Variants in LRP2BP observed in about 807,000 individuals in gnomAD.
LRP2BP encodes the protein LRP2-binding protein.
In LRP2BP, 38 loss-of-function variants were observed where a neutral mutation model predicts 45.2. The observed-to-expected ratio is 0.84, with a 90% CI of 0.65 to 1.10. LRP2BP has a LOEUF of 1.10. Ranked by LOEUF, LRP2BP falls within the 50% of genes least tolerant of loss-of-function variation. The pLI, the probability that LRP2BP is intolerant of heterozygous loss-of-function variation, is 0.00. For missense variants in LRP2BP, 385 were observed against 418.9 expected, an observed-to-expected ratio of 0.92 and a Z score of 0.71; for synonymous variants, 153 against 153.9, an observed-to-expected ratio of 0.99 and a Z score of 0.04.
chr4:185,368,068 C>T (rs1487848731), intron 8 of LRP2BP, among the ~76,000 whole-genome samples: 1 of 152,138 alleles, frequency 6.6e-6, no homozygotes, highest in Non-Finnish European at 1.5e-5. Flanking sequence ...GTGCCAGCTA[C>T]TCGGGAGGCT....
chr4:185,369,741 A>G (rs778079049), intron 8 of LRP2BP: 21 of 441,476 alleles, frequency 4.8e-5, no homozygotes, highest in South Asian at 3.2e-4. Context: ...TGACATTGGA[A>G]TCCCACAGGG....
In LRP2BP at chr4:185,366,936, C is replaced by G. The variant is rs1027070537; in HGVS notation, c.*244G>C. On this transcript the variant is annotated 3_prime_UTR_variant, in exon 9 of 9. Coordinates refer to ENST00000505916, the MANE Select transcript of LRP2BP (RefSeq NM_001377440.1). The stretch of plus-strand genomic sequence containing the variant: ...GAATGGTTTTAATACTTGATATGGT[C>G]TCGGCCAGTCTGTAGGGTAAGAGGT... 1 of 388,130 alleles carries G rather than the reference C, an allele frequency of 2.6e-6. No homozygotes were observed. The highest frequency in any genetic ancestry group is 4.7e-6 in the Non-Finnish European group (1 of 214,754). The allele number at this position is 388,130 out of a possible 1,614,324, so 24.0% of individuals were successfully genotyped here. A position where few individuals can be genotyped will look rare whatever the true frequency, so the allele number is the denominator to read the frequency against.
intron 8 of LRP2BP, among the ~76,000 whole-genome samples, 153 bp from the exon 9 acceptor site, chr4:185,367,398 T>C (rs1212784005): frequency 6.6e-6 from 1 of 152,114 alleles, no homozygotes; most frequent in Non-Finnish European, 1.5e-5. Context: ...TCTGATGTCC[T>C]ACTTTAACCT....
chr4:185,379,694 T>C (rs1032793562), intron 1 of LRP2BP, among the ~76,000 whole-genome samples: 19 of 152,218 alleles, frequency 1.2e-4, no homozygotes, highest in Admixed American at 1.3e-4. Flanking sequence ...ATTATGAGGC[T>C]CGTTTAACGT....
At position 185,364,296 on chromosome 4, in the gene LRP2BP, C is replaced by T. The variant is rs1017277759; in HGVS notation, c.*2884G>A. The T allele has an allele frequency of 5.3e-5, 8 of 152,172 alleles. No individual in the cohort carries two copies. Among genetic ancestry groups the T allele is most frequent in the East Asian group, 3.9e-4 (2 of 5,186 alleles). 9.4% of individuals were successfully genotyped at this position (152,172 alleles called of 1,614,324 possible). ...CAGGGGCTCGGTTGTATTATCAAGCCGTTTAGACCACAGGGACATTAGGGG... is the reference window on the plus strand; with the variant it reads ...CAGGGGCTCGGTTGTATTATCAAGCTGTTTAGACCACAGGGACATTAGGGG... On this transcript the variant is annotated 3_prime_UTR_variant, in exon 9 of 9. Transcript: ENST00000505916.
At position 185,378,177 on chromosome 4, in the gene LRP2BP, T is replaced by C. The variant is rs1216778872; in HGVS notation, c.10A>G (p.Thr4Ala). Residue 4 changes from threonine (T) to alanine (A), a missense_variant, in exon 2 of 9, where the codon ACC becomes GCC. Physicochemically the swap from Thr to Ala is moderately conservative, Grantham distance 58 (BLOSUM62 0). Coordinates refer to ENST00000505916, the MANE Select transcript of LRP2BP (RefSeq NM_001377440.1). Reference protein sequence around the residue: MKLTSEKLPKNPFY... With the variant: MKLASEKLPKNPFY... ...GGGTTCTTGGGCAACTTTTCACTGGTCAACTTCATCCTTTTTCTGCAATGT... is the reference window on the plus strand; with the variant it reads ...GGGTTCTTGGGCAACTTTTCACTGGCCAACTTCATCCTTTTTCTGCAATGT... 6.2e-7 allele frequency: 1 copy of C among 1,613,996 alleles called. No homozygotes were observed. The highest frequency in any genetic ancestry group is 8.5e-7 in the Non-Finnish European group (1 of 1,179,968).
upstream of LRP2BP, chr4:185,396,113 A>C (rs1010391891): frequency 6.4e-6 from 1 of 156,076 alleles, no homozygotes; most frequent in African/African-American, 2.4e-5. Flanking sequence ...TGACGACCCC[A>C]GCGTGCTGCG....
chr4:185,372,571 C>T (rs1331013978), intron 7 of LRP2BP, among the ~76,000 whole-genome samples: 1 of 152,284 alleles, frequency 6.6e-6, no homozygotes. Flanking sequence ...AGTAAGTTCC[C>T]TTGGAAATCC....
rs2095497939 is a variant in LRP2BP at position 185,394,949 on chromosome 4, C to G, written c.-192G>C. On this transcript the variant is annotated 5_prime_UTR_variant, in exon 1 of 9. Transcript: ENST00000505916. Reference sequence around the variant, plus strand: ...AAAATTGATCCCACCTGCTACACGCCTGGTGAAACTCCAGTTACTTGCCAG... The same window carrying G: ...AAAATTGATCCCACCTGCTACACGCGTGGTGAAACTCCAGTTACTTGCCAG... 2 of 985,356 alleles carry G rather than the reference C, an allele frequency of 2.0e-6. No homozygotes were observed. The highest frequency in any genetic ancestry group is 3.5e-5 in the African/African-American group (2 of 57,226). The allele number at this position is 985,356 out of a possible 1,614,324, so 61.0% of individuals were successfully genotyped here.
In LRP2BP at chr4:185,389,369, C is replaced by T. The variant is rs566595024; in HGVS notation, c.-22+5410G>A. On this transcript the variant is annotated intron_variant, in intron 1 of 8. Transcript: ENST00000505916. ...GATTGCAGGCGCACACCACCACACC[C>T]GGCTAATTTTTTTGTATTTTTTAAT... Among the ~76,000 whole-genome samples, 179 of 151,772 alleles carry T rather than the reference C, an allele frequency of 1.2e-3. 1 individual carries two copies. The highest frequency in any genetic ancestry group is 4.0e-3 in the African/African-American group (167 of 41,366).
rs3797026 is a variant in LRP2BP at position 185,373,044 on chromosome 4, C to T, written c.615G>A (p.Gly205=). Residue 205 remains glycine (G), a synonymous_variant, in exon 7 of 9, where the codon GGG becomes GGA. Transcript: ENST00000505916. ...CAAGTGCACCCTGGGACTCCAGATTCCCATTGCCACATGCTTCGGAATGCC... is the reference window on the plus strand; with the variant it reads ...CAAGTGCACCCTGGGACTCCAGATTTCCATTGCCACATGCTTCGGAATGCC... The part of the protein sequence containing the change: ...FYWHSEACGN[G]NLESQGALGL... 0.19 allele frequency: 312,962 copies of T among 1,610,114 alleles called. 31,753 individuals carry two copies. The highest frequency in any genetic ancestry group is 0.29 in the African/African-American group (21,589 of 74,878).
intron 1 of LRP2BP, among the ~76,000 whole-genome samples, chr4:185,388,722 CTT>C (rs573638505): frequency 5.5e-4 from 84 of 152,168 alleles, no homozygotes; most frequent in African/African-American, 1.9e-3. Context: ...CATCTACTGT[CTT>C]TATATTGTTT....
chr4:185,385,905 A>AGGCGGGGGG (rs369541635), intron 1 of LRP2BP, among the ~76,000 whole-genome samples: 1 of 34,894 alleles, frequency 2.9e-5, no homozygotes, highest in Non-Finnish European at 6.6e-5. Context: ...TGTCTCGGGG[A>AGGCGGGGGG]GGGGGGGGGG....
At chr4:185,369,959 C>G in intron 8 of LRP2BP, 1 of 267,356 alleles carries the variant, frequency 3.7e-6, no homozygotes, top group Non-Finnish European at 7.4e-6. Flanking sequence ...AAACACTGCT[C>G]TACCAAGTCT....
At chr4:185,383,484 AAC>A (rs1297992811) in intron 1 of LRP2BP, among the ~76,000 whole-genome samples, 4 of 152,150 alleles carry the variant, frequency 2.6e-5, no homozygotes, top group African/African-American at 4.8e-5. Flanking sequence ...CATCTCCAAA[AAC>A]ACACTGCTGC....
chr4:185,391,647 C>G (rs1003329335), intron 1 of LRP2BP, among the ~76,000 whole-genome samples: 1 of 152,178 alleles, frequency 6.6e-6, no homozygotes, highest in Non-Finnish European at 1.5e-5. Flanking sequence ...GTCCCTTTCA[C>G]ATGTCCTATC....
chr4:185,370,487 A>C (rs761679936), intron 8 of LRP2BP, among the ~76,000 whole-genome samples, 153 bp downstream of exon 8: 1 of 152,202 alleles, frequency 6.6e-6, no homozygotes, highest in Non-Finnish European at 1.5e-5. Context: ...ATTGTCTGCA[A>C]ACAATCTGCA....
At chr4:185,393,808 G>A (rs1479182184) in intron 1 of LRP2BP, among the ~76,000 whole-genome samples, 2 of 152,108 alleles carry the variant, frequency 1.3e-5, no homozygotes, top group South Asian at 4.1e-4. Flanking sequence ...TTACAGACGT[G>A]AGCCACCACC....
chr4:185,367,592 A>T (rs2095394097), intron 8 of LRP2BP, among the ~76,000 whole-genome samples: 2 of 152,330 alleles, frequency 1.3e-5, no homozygotes, highest in South Asian at 4.1e-4. Context: ...TCATTATGTG[A>T]ATAACAGCAT....
Sources: allele counts gnomAD v4.1 joint callset (sites outside exome capture counted in the v4.1 genomes callset), GRCh38; gene constraint gnomAD v4.1.1; transcripts MANE v1.5; gene names NCBI Gene and HGNC (gene_info 2026-07-23, HGNC 2026-07-21).